RNF149: variants seen among roughly 807,000 people sequenced by gnomAD.
The protein encoded by RNF149 is ring finger protein 149.
A neutral mutation model predicts 39.0 loss-of-function variants in RNF149; 21 were observed. That is an observed-to-expected ratio of 0.54 (90% CI 0.38 to 0.77). The LOEUF (loss-of-function observed/expected upper bound fraction) is 0.77. Among genes scored for constraint, RNF149 ranks in the 30% least tolerant of loss-of-function variants. The probability of loss-of-function intolerance (pLI) is 0.00; values close to 1 mark genes in which losing one functional copy is unlikely to be tolerated. For missense variants in RNF149, 493 were observed against 534.9 expected, an observed-to-expected ratio of 0.92 and a Z score of 0.77; for synonymous variants, 209 against 213.6, an observed-to-expected ratio of 0.98 and a Z score of 0.19.
At chr2:101,305,749 G>C (rs566582981) in intron 1 of RNF149, among the ~76,000 whole-genome samples, 1 of 152,106 alleles carries the variant, frequency 6.6e-6, no homozygotes, top group Non-Finnish European at 1.5e-5. Context: ...GAGGGAGAGA[G>C]AACAAAGAAT....
chr2:101,292,953 T>C (rs906326006), intron 3 of RNF149, among the ~76,000 whole-genome samples: 3 of 151,346 alleles, frequency 2.0e-5, no homozygotes, highest in African/African-American at 7.3e-5. Context: ...GACACTAATC[T>C]TAAGCCATGA....
intron 4 of RNF149, 28 bp from the exon 5 acceptor site, chr2:101,286,205 T>C (rs1558782323): frequency 2.3e-6 from 3 of 1,300,710 alleles, no homozygotes. Context: ...GTGTTAATGT[T>C]TTTAAAATCA....
Position 101,281,890 on chromosome 2 carries a change from T to A in RNF149, c.1128A>T (p.Lys376Asn). The part of the protein sequence containing the change: ...ESEPQCDPSF[K>N]GDAGENTALL... ...ATGCCGTATTTTCTCCTGCATCTCC[T>A]TTAAAGCTGGGATCACACTGTGGCT... The change falls in exon 6 of 7, where the codon AAA (lysine) becomes AAT (asparagine). Residue 376 changes from lysine to asparagine, a missense_variant. Physicochemically the swap from Lys to Asn is moderately conservative, Grantham distance 94 (BLOSUM62 0). Transcript: ENST00000295317. 1 of 1,614,120 alleles carries A rather than the reference T, an allele frequency of 6.2e-7. No individual in the cohort carries two copies. The highest frequency in any genetic ancestry group is 8.5e-7 in the Non-Finnish European group (1 of 1,180,022).
At chr2:101,287,450 C>T (rs1055118950) in intron 4 of RNF149, among the ~76,000 whole-genome samples, 3 of 152,096 alleles carry the variant, frequency 2.0e-5, no homozygotes, top group African/African-American at 4.8e-5. Context: ...AGTCAAAAGC[C>T]CAGTAAGGAG....
chr2:101,296,170 T>C (rs552361818), intron 1 of RNF149, among the ~76,000 whole-genome samples: 2 of 152,234 alleles, frequency 1.3e-5, no homozygotes, highest in East Asian at 1.9e-4. Flanking sequence ...TGAGTACTAA[T>C]ACATAATACC....
At chr2:101,293,147 AAAATC>A (rs1683085967) in intron 3 of RNF149, among the ~76,000 whole-genome samples, 1 of 152,174 alleles carries the variant, frequency 6.6e-6, no homozygotes, top group South Asian at 2.1e-4. Flanking sequence ...TAAAAAAAAA[AAAATC>A]AAAAGTCTGT....
chr2:101,282,778 A>G (rs916380428), intron 5 of RNF149, among the ~76,000 whole-genome samples: 4 of 152,156 alleles, frequency 2.6e-5, no homozygotes, highest in African/African-American at 9.7e-5. Flanking sequence ...CTTCTGGCTC[A>G]GCATCTCACC....
intron 1 of RNF149, among the ~76,000 whole-genome samples, chr2:101,296,983 C>A (rs932959272): frequency 6.6e-6 from 1 of 151,980 alleles, no homozygotes; most frequent in African/African-American, 2.4e-5. Context: ...CTGAGGCGGG[C>A]GGATCACCTG....
rs753470978 is a variant in RNF149, at chr2:101,282,054, C to G, written c.964G>C (p.Glu322Gln). The part of the protein sequence containing the change: ...DVIKALGYWG[E>Q]PGDVQEMPAP... ...GGCATCTCCTGTACATCCCCAGGCTCTCCCTTGAGAATTAGAACAGAAGAA... is the reference window on the plus strand; with the variant it reads ...GGCATCTCCTGTACATCCCCAGGCTGTCCCTTGAGAATTAGAACAGAAGAA... Residue 322 changes from glutamate to glutamine, a missense_variant, in exon 6 of 7, where the codon GAG becomes CAG. Transcript: ENST00000295317. 1 of 1,613,764 alleles carries G rather than the reference C, an allele frequency of 6.2e-7. No individual in the cohort carries two copies. Among genetic ancestry groups the G allele is most frequent in the African/African-American group, 1.3e-5 (1 of 74,852 alleles).
rs796359283 is a variant in RNF149, at chr2:101,291,157, A to AT, written c.781-2103dup. ...CATTTTATTATTAATTAATTAATTA[A>AT]TTTTTTTTTTTTGAGACGGAGTCTC... On this transcript the variant is annotated intron_variant, in intron 3 of 6. Transcript: ENST00000295317. Among the ~76,000 whole-genome samples the AT allele has an allele frequency of 7.3e-3, 1,080 of 148,092 alleles. 8 individuals carry two copies. Among genetic ancestry groups the AT allele is most frequent in the African/African-American group, 0.023 (953 of 40,720 alleles).
chr2:101,278,825 CA>C (rs1288965504), intron 6 of RNF149, among the ~76,000 whole-genome samples: 10 of 152,162 alleles, frequency 6.6e-5, no homozygotes, highest in Non-Finnish European at 1.3e-4. Context: ...CCCCCACACC[CA>C]ACCAAATATT....
At chr2:101,305,399 T>C (rs1683616298) in intron 1 of RNF149, among the ~76,000 whole-genome samples, 2 of 152,228 alleles carry the variant, frequency 1.3e-5, no homozygotes, top group African/African-American at 4.8e-5. Context: ...ACTATAGTAC[T>C]GGCCCTTATA....
chr2:101,286,645 T>A (rs1682805911), intron 4 of RNF149: 1 of 152,388 alleles, frequency 6.6e-6, no homozygotes, highest in African/African-American at 2.4e-5. Context: ...TTGTATACAC[T>A]CCATTTTTCT....
At chr2:101,304,767 T>C (rs1281928193) in intron 1 of RNF149, among the ~76,000 whole-genome samples, 1 of 151,648 alleles carries the variant, frequency 6.6e-6, no homozygotes, top group African/African-American at 2.4e-5. Flanking sequence ...TGGATTCTAG[T>C]AGAGACGAGC....
downstream of RNF149, chr2:101,273,110 T>C (rs1306394158): frequency 1.5e-6 from 2 of 1,364,514 alleles, no homozygotes; most frequent in African/African-American, 1.5e-5. Context: ...AAAGATAGCA[T>C]GCGGGGAAAT....
At position 101,276,996 on chromosome 2, in the gene RNF149, G is replaced by A. The variant is rs375021378; in HGVS notation, c.*242C>T. On this transcript the variant is annotated 3_prime_UTR_variant, in exon 7 of 7. Coordinates refer to ENST00000295317, the MANE Select transcript of RNF149 (RefSeq NM_173647.4). ...ACCTGCCCCAGTTGTCTTTGTAATAGTCTGAAGCAACACACTGTTCATGGT... is the reference window on the plus strand; with the variant it reads ...ACCTGCCCCAGTTGTCTTTGTAATAATCTGAAGCAACACACTGTTCATGGT... 9 of 1,232,074 alleles carry A rather than the reference G, an allele frequency of 7.3e-6. No homozygotes were observed. The East Asian group carries it at 1.2e-4, about 17-fold the overall frequency. The allele number at this position is 1,232,074 out of a possible 1,614,324, so 76.3% of individuals were successfully genotyped here.
intron 5 of RNF149, among the ~76,000 whole-genome samples, chr2:101,283,311 G>C (rs1682663815): frequency 6.6e-6 from 1 of 152,184 alleles, no homozygotes; most frequent in South Asian, 2.1e-4. Context: ...CATGAGGGGA[G>C]GGGCTGTGTC....
At chr2:101,290,131 G>C (rs541333106) in intron 3 of RNF149, among the ~76,000 whole-genome samples, 1 of 152,352 alleles carries the variant, frequency 6.6e-6, no homozygotes, top group African/African-American at 2.4e-5. Flanking sequence ...AGTGAGCCAA[G>C]ATCGCGCCAC....
chr2:101,273,073 G>A, downstream of RNF149: 1 of 1,359,338 alleles, frequency 7.4e-7, no homozygotes, highest in South Asian at 1.1e-5. Flanking sequence ...AGTCTTCTGG[G>A]AAAGGCTGTG....
Sources: allele counts gnomAD v4.1 joint callset (sites outside exome capture counted in the v4.1 genomes callset), GRCh38; gene constraint gnomAD v4.1.1; transcripts MANE v1.5; gene names NCBI Gene and HGNC (gene_info 2026-07-23, HGNC 2026-07-21).